Variants in JPH3 observed in about 807,000 individuals in gnomAD.
The protein encoded by JPH3 is junctophilin 3.
JPH3 carries 11 observed loss-of-function variants against 59.6 expected under a neutral mutation model. The ratio of observed to expected loss-of-function variants is 0.18; its 90% CI spans 0.12 to 0.31. The LOEUF (loss-of-function observed/expected upper bound fraction) is 0.31, where lower values mean the gene tolerates loss of function less well. Among genes scored for constraint, JPH3 ranks in the 10% least tolerant of loss-of-function variants. JPH3 has a pLI of 1.00. For missense variants in JPH3, 1,202 were observed against 1,105.7 expected (o/e 1.09, Z -1.24); for synonymous variants, 673 against 483.6 (o/e 1.39, Z -5.14).
intron 2 of JPH3, among the ~76,000 whole-genome samples, chr16:87,668,241 C>T (rs1038237568): frequency 1.4e-4 from 22 of 152,162 alleles, no homozygotes; most frequent in African/African-American, 4.6e-4. Context: ...ATCTGGAGGC[C>T]GGAGCCGGCA....
At chr16:87,682,355 G>T (rs1217829521) in intron 2 of JPH3, among the ~76,000 whole-genome samples, 1 of 152,180 alleles carries the variant, frequency 6.6e-6, no homozygotes, top group Non-Finnish European at 1.5e-5. Context: ...GAGATGGGGG[G>T]TCAGGCTGCG....
At chr16:87,625,611 TCA>T (rs1242949589) in intron 1 of JPH3, among the ~76,000 whole-genome samples, 4 of 152,134 alleles carry the variant, frequency 2.6e-5, no homozygotes, top group African/African-American at 9.7e-5. Context: ...GCCCTATGTC[TCA>T]CAGCGCAGAC....
intron 1 of JPH3, among the ~76,000 whole-genome samples, chr16:87,612,660 C>T (rs1249954463): frequency 1.3e-5 from 2 of 152,108 alleles, no homozygotes; most frequent in African/African-American, 2.4e-5. Flanking sequence ...AGAGTTGCAG[C>T]TGTAGATAAG....
intron 2 of JPH3, among the ~76,000 whole-genome samples, chr16:87,658,212 C>A (rs998407898): frequency 1.3e-5 from 2 of 152,320 alleles, no homozygotes; most frequent in African/African-American, 4.8e-5. Flanking sequence ...ATAGCGACCT[C>A]CTGAGGTCGC....
chr16:87,668,699 T>C (rs1303566744), intron 2 of JPH3, among the ~76,000 whole-genome samples: 1 of 152,196 alleles, frequency 6.6e-6, no homozygotes, highest in Non-Finnish European at 1.5e-5. Flanking sequence ...TCTGGTTCCA[T>C]TGCTGTCAGT....
At chr16:87,645,138 A>G in intron 2 of JPH3, 103 bp downstream of exon 2, 1 of 1,198,428 alleles carries the variant, frequency 8.3e-7, no homozygotes, top group East Asian at 2.5e-5. Flanking sequence ...GGCTAGGCCC[A>G]GTTTGAGGCC....
chr16:87,643,384 TC>T (rs1427440810), intron 1 of JPH3, among the ~76,000 whole-genome samples: 16 of 127,886 alleles, frequency 1.3e-4, no homozygotes. Flanking sequence ...GTCCCCACCC[TC>T]CCTTCTTCTG....
chr16:87,647,716 GCCT>G, intron 2 of JPH3, among the ~76,000 whole-genome samples: 1 of 152,298 alleles, frequency 6.6e-6, no homozygotes, highest in Middle Eastern at 3.4e-3. Flanking sequence ...ACCACTCACG[GCCT>G]CCTCACCGCT....
chr16:87,641,612 C>T (rs1429718038), intron 1 of JPH3, among the ~76,000 whole-genome samples: 1 of 152,278 alleles, frequency 6.6e-6, no homozygotes, highest in Non-Finnish European at 1.5e-5. Context: ...ACAGGATCCC[C>T]AGCTCAGGCT....
rs190065486 is a variant in JPH3, at chr16:87,667,948, G to T, written c.1161-16194G>T. Among the ~76,000 whole-genome samples, 196 of 152,326 alleles carry T rather than the reference G, an allele frequency of 1.3e-3. 2 individuals are homozygous for T. Among genetic ancestry groups the T allele is most frequent in the Non-Finnish European group, 1.3e-3 (89 of 68,034 alleles). On this transcript the variant is annotated intron_variant, in intron 2 of 4. Coordinates refer to ENST00000284262, the MANE Select transcript of JPH3 (RefSeq NM_020655.4). ...CGTGCACAGGCCCCTGCCCTTGGTG[G>T]ACACTCTGATTCCACCTGCAAATCC...
At chr16:87,680,438 C>CT (rs1344639448) in intron 2 of JPH3, among the ~76,000 whole-genome samples, 1 of 152,248 alleles carries the variant, frequency 6.6e-6, no homozygotes, top group Non-Finnish European at 1.5e-5. Context: ...GGAACCGGGC[C>CT]TTTTCTTGCC....
intron 1 of JPH3, among the ~76,000 whole-genome samples, chr16:87,641,548 G>A (rs1428601313): frequency 1.3e-5 from 2 of 152,202 alleles, no homozygotes; most frequent in Non-Finnish European, 2.9e-5. Context: ...GTCCTCTGCT[G>A]CCACGTCCTT....
At chr16:87,655,383 C>T (rs947404963) in intron 2 of JPH3, among the ~76,000 whole-genome samples, 1 of 151,434 alleles carries the variant, frequency 6.6e-6, no homozygotes, top group Admixed American at 6.6e-5. Flanking sequence ...GGGTGTTGTT[C>T]TGCTCTGTCC....
chr16:87,675,830 C>G (rs2033129751), intron 2 of JPH3, among the ~76,000 whole-genome samples: 1 of 152,256 alleles, frequency 6.6e-6, no homozygotes, highest in Non-Finnish European at 1.5e-5. Flanking sequence ...CACTATTCCT[C>G]ACCTTTCATA....
rs376022547 is a variant in JPH3, at chr16:87,644,650, G to A, written c.775G>A (p.Asp259Asn). The change falls in exon 2 of 5, where the codon GAC (aspartate) becomes AAC (asparagine). Residue 259 changes from aspartate (D) to asparagine (N), a missense_variant. By Grantham distance (23) the Asp-to-Asn change is conservative. Coordinates refer to ENST00000284262, the MANE Select transcript of JPH3 (RefSeq NM_020655.4). ...GAGCACCGTCAGCTCCACGGCCAGC[G>A]ACATCCACTCCACCATCAGCCTGGG... The part of the protein sequence containing the change: ...GMSTVSSTAS[D>N]IHSTISLGEA... 2.7e-5 allele frequency: 43 copies of A among 1,611,606 alleles called. No individual in the cohort carries two copies. Among genetic ancestry groups the A allele is most frequent in the African/African-American group, 1.3e-5 (1 of 74,912 alleles).
intron 2 of JPH3, among the ~76,000 whole-genome samples, chr16:87,648,822 A>T (rs985640474): frequency 6.6e-6 from 1 of 152,030 alleles, no homozygotes; most frequent in Non-Finnish European, 1.5e-5. Context: ...GCTTGTAGAA[A>T]TGGTGGTCAG....
At chr16:87,692,394 AG>A (rs1313575586) in intron 4 of JPH3, among the ~76,000 whole-genome samples, 18 of 152,340 alleles carry the variant, frequency 1.2e-4, no homozygotes, top group African/African-American at 4.3e-4. Context: ...GTCGGGTGCC[AG>A]GCTGGGCTGA....
chr16:87,634,181 C>T (rs957955887), intron 1 of JPH3, among the ~76,000 whole-genome samples: 3 of 152,174 alleles, frequency 2.0e-5, no homozygotes, highest in African/African-American at 7.2e-5. Context: ...TTGGCCAGCG[C>T]AGGGCTCTCA....
chr16:87,688,339 C>T (rs889622930), intron 3 of JPH3, among the ~76,000 whole-genome samples: 18 of 152,236 alleles, frequency 1.2e-4, no homozygotes, highest in African/African-American at 4.1e-4. Flanking sequence ...GAGGAGGACA[C>T]AGCAGCCCAG....
Sources: gnomAD v4.1 joint callset for allele counts (sites outside exome capture counted in the v4.1 genomes callset) on GRCh38, gnomAD v4.1.1 for gene constraint, MANE v1.5 for transcripts, NCBI Gene and HGNC (gene_info 2026-07-23, HGNC 2026-07-21) for gene names.